RAB13: variants seen among roughly 807,000 people sequenced by gnomAD.
The protein encoded by RAB13 is ras-related protein Rab-13.
In RAB13, 15 loss-of-function variants were observed where a neutral mutation model predicts 29.3. The observed-to-expected ratio is 0.51, with a 90% confidence interval of 0.34 to 0.79. The LOEUF is 0.79. Ranked by LOEUF, RAB13 falls within the 30% of genes least tolerant of loss-of-function variation. RAB13 has a pLI of 0.01. For missense variants in RAB13, 186 were observed against 255.5 expected (o/e 0.73, Z 1.85); for synonymous variants, 82 against 93.8 (o/e 0.87, Z 0.73).
In RAB13 at chr1:153,981,730, C is replaced by T. The variant is rs1012547947; in HGVS notation, c.*369G>A. On this transcript the variant is annotated 3_prime_UTR_variant, in exon 8 of 8. Coordinates refer to ENST00000368575, the MANE Select transcript of RAB13 (RefSeq NM_002870.5). ...AGGAGCAAATTCCCTAGTGTAGTGC[C>T]GAGCTAGCCTTTTGCAGGACCCTAA... The T allele has an allele frequency of 3.9e-5, 10 of 255,862 alleles. No homozygotes were observed. Among genetic ancestry groups the T allele is most frequent in the African/African-American group, 2.0e-4 (9 of 44,764 alleles). The allele number at this position is 255,862 out of a possible 1,614,324, so 15.8% of individuals were successfully genotyped here.
At chr1:153,983,003 T>G in intron 4 of RAB13, 195 bp from the exon 5 acceptor site, 1 of 711,496 alleles carries the variant, frequency 1.4e-6, no homozygotes, top group Non-Finnish European at 2.4e-6. Context: ...TGCATGCCTG[T>G]AATCCCAGCT....
upstream of RAB13, among the ~76,000 whole-genome samples, chr1:153,987,597 CTA>C (rs1056012581): frequency 6.7e-6 from 1 of 150,224 alleles, no homozygotes; most frequent in African/African-American, 2.4e-5. Context: ...ATTATTCTTG[CTA>C]TATGTGTGCT....
upstream of RAB13, among the ~76,000 whole-genome samples, chr1:153,989,867 G>A (rs995936044): frequency 6.6e-6 from 1 of 151,232 alleles, no homozygotes; most frequent in Non-Finnish European, 1.5e-5. Context: ...ACTACAGCCT[G>A]GGCAACAAGA....
At chr1:153,990,335 G>A (rs1649321264), upstream of RAB13, among the ~76,000 whole-genome samples, 1 of 152,096 alleles carries the variant, frequency 6.6e-6, no homozygotes, top group Non-Finnish European at 1.5e-5. Context: ...CTAAGTGCTG[G>A]GATTACAGGC....
upstream of RAB13, among the ~76,000 whole-genome samples, chr1:153,987,965 AT>A (rs1290706408): frequency 2.0e-5 from 3 of 149,274 alleles, no homozygotes; most frequent in East Asian, 5.8e-4. Context: ...TTTCAAAAAA[AT>A]TTTTTATTTA....
chr1:153,983,143 G>T (rs1649048927), intron 4 of RAB13, 76 bp downstream of exon 4: 1 of 1,325,264 alleles, frequency 7.5e-7, no homozygotes. Context: ...AAAAAGTTAG[G>T]TCTTGCCTAT....
chr1:153,990,257 G>T (rs1649316582), upstream of RAB13, among the ~76,000 whole-genome samples: 1 of 152,138 alleles, frequency 6.6e-6, no homozygotes, highest in South Asian at 2.1e-4. Context: ...GTAGAGACGG[G>T]GTTTCACTAT....
chr1:153,989,817 G>A (rs1649298820), upstream of RAB13, among the ~76,000 whole-genome samples: 1 of 151,418 alleles, frequency 6.6e-6, no homozygotes, highest in South Asian at 2.1e-4. Flanking sequence ...GCTTGAACGC[G>A]GGAGGCGGAG....
intron 1 of RAB13, 46 bp from the exon 2 acceptor site, chr1:153,984,827 A>G: frequency 6.3e-7 from 1 of 1,575,582 alleles, no homozygotes; most frequent in Non-Finnish European, 8.7e-7. Flanking sequence ...GCATGCACAC[A>G]TGTAAAACTG....
At chr1:153,982,624 G>T (rs776890093) in intron 5 of RAB13, 24 bp from the exon 6 acceptor site, 2 of 1,612,428 alleles carry the variant, frequency 1.2e-6, no homozygotes, top group East Asian at 2.2e-5. Context: ...AGTGGGAAGA[G>T]AATTGAATTA....
upstream of RAB13, among the ~76,000 whole-genome samples, chr1:153,986,545 G>A (rs1210052291): frequency 6.6e-6 from 1 of 152,142 alleles, no homozygotes; most frequent in East Asian, 1.9e-4. Context: ...CCCCTCTTAG[G>A]ACCTTACTCT....
upstream of RAB13, among the ~76,000 whole-genome samples, chr1:153,989,238 A>T (rs2147864838): frequency 7.2e-6 from 1 of 138,416 alleles, no homozygotes. Context: ...GGCAAAGAAA[A>T]AATTATTATT....
At chr1:153,984,655 T>C (rs1233401065) in intron 2 of RAB13, 66 bp downstream of exon 2, 6 of 1,423,470 alleles carry the variant, frequency 4.2e-6, no homozygotes, top group Middle Eastern at 1.8e-4. Context: ...TGAAACAAAA[T>C]AGAAGGAAAA....
chr1:153,988,510 T>C (rs964462551), upstream of RAB13, among the ~76,000 whole-genome samples: 9 of 139,944 alleles, frequency 6.4e-5, no homozygotes, highest in East Asian at 2.1e-4. Context: ...CCAGGATGGT[T>C]TTGATCTCCT....
intron 2 of RAB13, 77 bp from the exon 3 acceptor site, chr1:153,983,658 G>A: frequency 7.5e-7 from 1 of 1,336,016 alleles, no homozygotes; most frequent in South Asian, 1.2e-5. Flanking sequence ...TCTCTCACAA[G>A]AATTTAGCTT....
rs1379741974 is a variant in RAB13, at chr1:153,982,084, G to C, written c.*15C>G. 2 of 1,610,812 alleles carry C rather than the reference G, an allele frequency of 1.2e-6. No individual in the cohort carries two copies. The highest frequency in any genetic ancestry group is 1.1e-5 in the South Asian group (1 of 90,960). Reference sequence around the variant, plus strand: ...TCAGGTTCAGCTTCCGGGGTGGGGAGGCAAGAAAGGGTCCTCAGCCCAGGG... The same window carrying C: ...TCAGGTTCAGCTTCCGGGGTGGGGACGCAAGAAAGGGTCCTCAGCCCAGGG... On this transcript the variant is annotated 3_prime_UTR_variant, in exon 8 of 8. Coordinates refer to ENST00000368575, the MANE Select transcript of RAB13 (RefSeq NM_002870.5).
intron 1 of RAB13, 78 bp downstream of exon 1, chr1:153,986,035 T>G: frequency 1.3e-6 from 2 of 1,589,066 alleles, no homozygotes; most frequent in Non-Finnish European, 1.7e-6. Flanking sequence ...GACTGAAAAG[T>G]GGGGTCACTA....
intron 4 of RAB13, 29 bp downstream of exon 4, chr1:153,983,190 T>C (rs1183566627): frequency 1.9e-6 from 3 of 1,585,420 alleles, no homozygotes; most frequent in Non-Finnish European, 2.6e-6. Context: ...TTCTAACCAG[T>C]TTCCCCATCT....
rs930958433 is a variant in RAB13 at position 153,983,111 on chromosome 1, G to A, written c.324+108C>T. On this transcript the variant is annotated intron_variant, in intron 4 of 7. Coordinates refer to ENST00000368575, the MANE Select transcript of RAB13 (RefSeq NM_002870.5). ...TTGCACTCCAGCCCGGGCAACAAGA[G>A]CAAAACTTCATCTCAAAAAAAAAAA... 8 of 1,016,592 alleles carry A rather than the reference G, an allele frequency of 7.9e-6. No individual in the cohort carries two copies. In the African/African-American group the frequency reaches 1.3e-4, roughly 16 times the overall value. 63.0% of individuals were successfully genotyped at this position (1,016,592 alleles called of 1,614,324 possible). A position where few individuals can be genotyped will look rare whatever the true frequency, so the allele number is the denominator to read the frequency against.
Sources: allele counts gnomAD v4.1 joint callset (sites outside exome capture counted in the v4.1 genomes callset), GRCh38; gene constraint gnomAD v4.1.1; transcripts MANE v1.5; gene names NCBI Gene and HGNC (gene_info 2026-07-23, HGNC 2026-07-21).